Variants in RTN1 observed in about 807,000 individuals in gnomAD.
RTN1 encodes the protein reticulon-1.
RTN1 carries 25 observed loss-of-function variants against 65.5 expected under a neutral mutation model. That is an observed-to-expected ratio of 0.38 (90% CI 0.28 to 0.53). RTN1 has a LOEUF of 0.53. Among genes scored for constraint, RTN1 ranks in the 20% least tolerant of loss-of-function variants. RTN1 has a pLI of 0.79. For missense variants in RTN1, 983 were observed against 1,025.4 expected, an observed-to-expected ratio of 0.96 and a Z score of 0.57; for synonymous variants, 471 against 447.6, an observed-to-expected ratio of 1.05 and a Z score of -0.66.
intron 1 of RTN1, among the ~76,000 whole-genome samples, chr14:59,850,879 T>G (rs1218220541): frequency 6.6e-6 from 1 of 152,222 alleles, no homozygotes; most frequent in Non-Finnish European, 1.5e-5. Flanking sequence ...TAGGTTTTTT[T>G]CTCTTGCAAA....
At chr14:59,773,742 G>T (rs1886001289) in intron 1 of RTN1, among the ~76,000 whole-genome samples, 2 of 152,098 alleles carry the variant, frequency 1.3e-5, no homozygotes, top group Admixed American at 6.5e-5. Flanking sequence ...AATTATTCAA[G>T]AGCTGATTTA....
At chr14:59,736,838 T>G (rs1013017124) in intron 2 of RTN1, among the ~76,000 whole-genome samples, 1 of 151,640 alleles carries the variant, frequency 6.6e-6, no homozygotes, top group Non-Finnish European at 1.5e-5. Flanking sequence ...CACAATCAAG[T>G]AGGTTTACAA....
At chr14:59,812,304 G>A (rs1886744178) in intron 1 of RTN1, among the ~76,000 whole-genome samples, 1 of 152,038 alleles carries the variant, frequency 6.6e-6, no homozygotes, top group Admixed American at 6.6e-5. Flanking sequence ...CATAAGTGAT[G>A]GAATTTTTTT....
At position 59,766,953 on chromosome 14, in the gene RTN1, C is replaced by T. The variant is rs532819346; in HGVS notation, c.242-20472G>A. Among the ~76,000 whole-genome samples, 2 of 152,318 alleles carry T rather than the reference C, an allele frequency of 1.3e-5. No individual in the cohort carries two copies. Among genetic ancestry groups the T allele is most frequent in the East Asian group, 3.9e-4 (2 of 5,192 alleles). ...CTGAGCACCTACTATGTGGTAGGTA[C>T]TTATTCTAGTTTCTGGGGATTTAAC... is the stretch of plus-strand genomic sequence containing the variant. On this transcript the variant is annotated intron_variant, in intron 1 of 8. Transcript: ENST00000267484. This position sits in a 1 kb window ranked among gnomAD's most constrained non-coding sequence, Gnocchi z 4.4.
chr14:59,610,266 G>A (rs1267337845), intron 3 of RTN1: 1 of 665,810 alleles, frequency 1.5e-6, no homozygotes, highest in East Asian at 2.7e-5. Context: ...AGTAACATGA[G>A]TTTGGTGTAG....
intron 3 of RTN1, among the ~76,000 whole-genome samples, chr14:59,648,947 C>A (rs553147513): frequency 1.3e-5 from 2 of 152,242 alleles, no homozygotes; most frequent in South Asian, 4.1e-4. Flanking sequence ...AGCACTCAGG[C>A]AAGAGAAAGA....
chr14:59,725,208 T>C (rs1884732294), intron 3 of RTN1, among the ~76,000 whole-genome samples: 1 of 152,246 alleles, frequency 6.6e-6, no homozygotes, highest in Non-Finnish European at 1.5e-5. Flanking sequence ...TCCCAGCTGT[T>C]GTCCTTGTCT....
At chr14:59,823,309 GT>G (rs1324460826) in intron 1 of RTN1, among the ~76,000 whole-genome samples, 2 of 151,702 alleles carry the variant, frequency 1.3e-5, no homozygotes, top group African/African-American at 4.8e-5. Context: ...TTTAAAGACT[GT>G]TTTGTCAGAA....
intron 2 of RTN1, among the ~76,000 whole-genome samples, chr14:59,728,423 C>A (rs12432408): frequency 0.39 from 58,885 of 151,496 alleles, 11,731 homozygotes; most frequent in Admixed American, 0.46. Flanking sequence ...CACTTCCTCT[C>A]GAGAAGAACA....
At chr14:59,609,177 C>T (rs368455720) in intron 3 of RTN1, among the ~76,000 whole-genome samples, 2 of 151,936 alleles carry the variant, frequency 1.3e-5, no homozygotes, top group Admixed American at 6.6e-5. Flanking sequence ...CCCAGCGACT[C>T]GGGAGGCTGA....
At position 59,809,356 on chromosome 14, in the gene RTN1, T is replaced by G. The variant is rs532235430; in HGVS notation, c.241+61034A>C. 4.6e-5 allele frequency among the ~76,000 whole-genome samples: 7 copies of G among 152,240 alleles called. No homozygotes were observed. In the East Asian group the frequency reaches 7.7e-4, roughly 17 times the overall value. On this transcript the variant is annotated intron_variant, in intron 1 of 8. Transcript: ENST00000267484. ...TTCCATGCATCCTAGATTATGATTC[T>G]TATTTCTTTATAAACTCAATATATT...
Position 59,812,606 on chromosome 14 carries a change from T to C in RTN1, c.241+57784A>G, listed in dbSNP as rs552632310. ...GATATTTGATGGGTATGTGTGTGCA[T>C]GTGTGCCTTGTGTATTCCCATGTTG... On this transcript the variant is annotated intron_variant, in intron 1 of 8. Transcript: ENST00000267484. Among the ~76,000 whole-genome samples, 4 of 152,330 alleles carry C rather than the reference T, an allele frequency of 2.6e-5. No individual in the cohort carries two copies. In the East Asian group the frequency reaches 7.7e-4, roughly 29 times the overall value.
At chr14:59,738,817 C>T (rs1885055936) in intron 2 of RTN1, among the ~76,000 whole-genome samples, 1 of 152,156 alleles carries the variant, frequency 6.6e-6, no homozygotes, top group African/African-American at 2.4e-5. Context: ...TACTATGCAT[C>T]CATAAAAAGG....
intron 3 of RTN1, among the ~76,000 whole-genome samples, chr14:59,674,217 T>G (rs1223582944): frequency 1.3e-5 from 2 of 152,240 alleles, no homozygotes; most frequent in African/African-American, 4.8e-5. Context: ...GCAGCCTTAT[T>G]GGCCATGTCA....
At chr14:59,843,049 G>A (rs1296404570) in intron 1 of RTN1, among the ~76,000 whole-genome samples, 5 of 152,170 alleles carry the variant, frequency 3.3e-5, no homozygotes, top group African/African-American at 1.2e-4. Flanking sequence ...CATAGCAGTT[G>A]TATTCACAAT....
intron 3 of RTN1, among the ~76,000 whole-genome samples, chr14:59,633,351 C>T (rs1280442259): frequency 2.0e-5 from 3 of 152,128 alleles, no homozygotes; most frequent in Non-Finnish European, 2.9e-5. Flanking sequence ...CTAGGAATCA[C>T]CTGTATTGTA....
intron 3 of RTN1, chr14:59,630,760 C>G (rs1030001134): frequency 8.8e-5 from 95 of 1,078,172 alleles, no homozygotes; most frequent in Non-Finnish European, 1.0e-4. Context: ...CTCCACGCGA[C>G]AGCGTTGGCT....
intron 1 of RTN1, among the ~76,000 whole-genome samples, chr14:59,749,834 T>C (rs1399884143): frequency 8.7e-6 from 1 of 115,312 alleles, no homozygotes; most frequent in Non-Finnish European, 1.6e-5. Context: ...TATATATCTA[T>C]ATGTATATTT....
chr14:59,728,552 G>T (rs1056052872), intron 2 of RTN1, among the ~76,000 whole-genome samples: 1 of 152,040 alleles, frequency 6.6e-6, no homozygotes. Context: ...TAGATGAGAC[G>T]ACCTGGGATC....
Sources: allele counts gnomAD v4.1 joint callset (sites outside exome capture counted in the v4.1 genomes callset), GRCh38; gene constraint gnomAD v4.1.1; non-coding constraint Gnocchi (gnomAD v3.1); transcripts MANE v1.5; gene names NCBI Gene and HGNC (gene_info 2026-07-23, HGNC 2026-07-21).